RDX: variants seen among roughly 807,000 people sequenced by gnomAD.
RDX encodes radixin, also known as deafness, autosomal recessive 24.
RDX carries 32 observed loss-of-function variants against 83.7 expected under a neutral mutation model. The observed-to-expected ratio is 0.38, with a 90% CI of 0.29 to 0.51. The LOEUF (loss-of-function observed/expected upper bound fraction) is 0.51, where lower values mean the gene tolerates loss of function less well. Ranked by LOEUF, RDX falls within the 20% of genes least tolerant of loss-of-function variation. The probability of loss-of-function intolerance (pLI) is 0.87; values close to 1 mark genes in which losing one functional copy is unlikely to be tolerated. For missense variants in RDX, 600 were observed against 689.9 expected (o/e 0.87, Z 1.46); for synonymous variants, 229 against 222.7 (o/e 1.03, Z -0.25).
chr11:110,247,677 T>C (rs773206451), intron 10 of RDX, 26 bp downstream of exon 10: 27 of 1,606,400 alleles, frequency 1.7e-5, no homozygotes, highest in Non-Finnish European at 2.2e-5. Context: ...TAATTTTTAA[T>C]CCATTTTCAA....
chr11:110,180,625 C>T (rs1334948875), intron 15 of RDX, among the ~76,000 whole-genome samples: 2 of 151,550 alleles, frequency 1.3e-5, no homozygotes, highest in Middle Eastern at 3.2e-3. Flanking sequence ...GCAGTTTCCT[C>T]AGTCTGTGTG....
In RDX at chr11:110,245,244, G is replaced by A. The variant is rs1420724420; in HGVS notation, c.1090+2459C>T. Among the ~76,000 whole-genome samples the A allele has an allele frequency of 2.0e-5, 3 of 152,108 alleles. No individual in the cohort carries two copies. In the East Asian group the frequency reaches 5.8e-4, roughly 29 times the overall value. ...TGGGATTACAGGCATGAGCCACCACGCCTGGCCAAATTTTTTGTTTTTTAA... is the reference window on the plus strand; with the variant it reads ...TGGGATTACAGGCATGAGCCACCACACCTGGCCAAATTTTTTGTTTTTTAA... On this transcript the variant is annotated intron_variant, in intron 10 of 13. Transcript: ENST00000645495.
chr11:110,282,138 T>C (rs974556414), intron 1 of RDX, among the ~76,000 whole-genome samples: 5 of 151,962 alleles, frequency 3.3e-5, no homozygotes, highest in Non-Finnish European at 7.4e-5. Context: ...TTCAGAAAAA[T>C]TGCTTCATCT....
At chr11:110,268,042 G>A (rs1214226768) in intron 3 of RDX, among the ~76,000 whole-genome samples, 1 of 152,152 alleles carries the variant, frequency 6.6e-6, no homozygotes, top group Admixed American at 6.5e-5. Context: ...AGGCACGGTG[G>A]CTCACGCCTG....
At chr11:110,215,751 T>C (rs1864029083) in intron 14 of RDX, among the ~76,000 whole-genome samples, 1 of 152,194 alleles carries the variant, frequency 6.6e-6, no homozygotes, top group Admixed American at 6.5e-5. Flanking sequence ...TCACATTTTG[T>C]AATAAAAAAG....
At chr11:110,186,353 T>C (rs889884714) in intron 15 of RDX, among the ~76,000 whole-genome samples, 6 of 152,172 alleles carry the variant, frequency 3.9e-5, no homozygotes, top group African/African-American at 1.4e-4. Flanking sequence ...CAGAAAGATT[T>C]TGACTAGGTG....
intron 5 of RDX, among the ~76,000 whole-genome samples, chr11:110,260,732 C>G (rs1012570488): frequency 6.6e-6 from 1 of 152,158 alleles, no homozygotes; most frequent in Non-Finnish European, 1.5e-5. Context: ...GCTCAAGTCC[C>G]TGATATAAAA....
At chr11:110,258,006 T>G in intron 6 of RDX, 93 bp from the exon 7 acceptor site, 1 of 1,473,960 alleles carries the variant, frequency 6.8e-7, no homozygotes. Context: ...GTACTTTACA[T>G]AAGTCAAACA....
chr11:110,236,062 C>G (rs1325661438), intron 12 of RDX, 37 bp downstream of exon 12: 2 of 1,392,732 alleles, frequency 1.4e-6, no homozygotes, highest in South Asian at 2.3e-5. Flanking sequence ...GGTATAAAAG[C>G]TATTCAATAA....
At chr11:110,201,206 C>T (rs919901247) in intron 14 of RDX, among the ~76,000 whole-genome samples, 2 of 147,324 alleles carry the variant, frequency 1.4e-5, no homozygotes, top group Non-Finnish European at 3.0e-5. Context: ...AAAGAAATGT[C>T]ATTTCAAAAT....
At chr11:110,220,396 T>C (rs1369847717) in intron 14 of RDX, among the ~76,000 whole-genome samples, 1 of 152,228 alleles carries the variant, frequency 6.6e-6, no homozygotes, top group Non-Finnish European at 1.5e-5. Flanking sequence ...CAGGCTCAAA[T>C]GGCCAAGTGG....
At chr11:110,225,080 A>G (rs1336061750), downstream of RDX, among the ~76,000 whole-genome samples, 1 of 152,142 alleles carries the variant, frequency 6.6e-6, no homozygotes, top group Non-Finnish European at 1.5e-5. Flanking sequence ...ACTGGCTCAC[A>G]TTTTCTATCT....
intron 1 of RDX, among the ~76,000 whole-genome samples, chr11:110,290,735 CCA>C (rs1861209036): frequency 2.6e-5 from 4 of 152,288 alleles, no homozygotes; most frequent in African/African-American, 9.6e-5. Context: ...GCTTTGTAAG[CCA>C]CACAGTCTCT....
At chr11:110,247,204 G>A (rs906696856) in intron 10 of RDX, among the ~76,000 whole-genome samples, 13 of 151,948 alleles carry the variant, frequency 8.6e-5, no homozygotes, top group Admixed American at 5.9e-4. Context: ...AACAAAAAAC[G>A]TTATAACACG....
intron 9 of RDX, among the ~76,000 whole-genome samples, chr11:110,253,430 C>G (rs1379810378): frequency 6.6e-6 from 1 of 152,030 alleles, no homozygotes; most frequent in Non-Finnish European, 1.5e-5. Context: ...TTATTCACTA[C>G]CATTCAATTT....
At chr11:110,182,344 G>A (rs1262121751) in intron 15 of RDX, among the ~76,000 whole-genome samples, 3 of 152,242 alleles carry the variant, frequency 2.0e-5, no homozygotes, top group African/African-American at 4.8e-5. Flanking sequence ...GCTCATGCCT[G>A]TAATCCCAGC....
rs1863371690 is a variant in RDX at position 110,200,733 on chromosome 11, CATTT to C, written c.1749-1059_1749-1056del. ...TAATAAAGGAACATAGAAACAATGA[CATTT>C]ATTAATGGTTTTATAATTCTTCTTT... On this transcript the variant is annotated intron_variant, in intron 14 of 15. Coordinates refer to the RDX transcript ENST00000528498. 5.9e-5 allele frequency among the ~76,000 whole-genome samples: 9 copies of C among 152,300 alleles called. No individual in the cohort carries two copies. The South Asian group carries it at 1.9e-3, about 32-fold the overall frequency.
chr11:110,216,287 T>C (rs765427261), intron 14 of RDX, among the ~76,000 whole-genome samples: 24 of 152,170 alleles, frequency 1.6e-4, no homozygotes, highest in Non-Finnish European at 2.5e-4. Flanking sequence ...TCCTTCTACC[T>C]GGAATTTTAA....
chr11:110,194,823 A>C (rs1863169357), intron 15 of RDX, among the ~76,000 whole-genome samples: 1 of 152,210 alleles, frequency 6.6e-6, no homozygotes, highest in African/African-American at 2.4e-5. Flanking sequence ...GAAAAACATC[A>C]GTGACAGATG....
Sources: allele counts gnomAD v4.1 joint callset (sites outside exome capture counted in the v4.1 genomes callset), GRCh38; gene constraint gnomAD v4.1.1; transcripts MANE v1.5; gene names NCBI Gene and HGNC (gene_info 2026-07-23, HGNC 2026-07-21).